TUBGCP6: variants seen among roughly 807,000 people sequenced by gnomAD.
TUBGCP6 encodes gamma-tubulin complex component 6.
TUBGCP6 carries 161 observed loss-of-function variants against 175.8 expected under a neutral mutation model. That is an observed-to-expected ratio of 0.92 (90% CI 0.81 to 1.04). The LOEUF (loss-of-function observed/expected upper bound fraction) is 1.04. TUBGCP6 is among the 50% of genes least tolerant of loss of function. The pLI is 0.00. For missense variants in TUBGCP6, 2,572 were observed against 2,433.0 expected, an observed-to-expected ratio of 1.06 and a Z score of -1.20; for synonymous variants, 1,173 against 1,030.5, an observed-to-expected ratio of 1.14 and a Z score of -2.65.
intron 5 of TUBGCP6, among the ~76,000 whole-genome samples, chr22:50,227,432 C>T (rs554247474): frequency 1.1e-4 from 17 of 152,274 alleles, no homozygotes; most frequent in Admixed American, 4.6e-4. Context: ...TGCCACAACT[C>T]GCACCCTTCA....
intron 16 of TUBGCP6, 76 bp downstream of exon 16, chr22:50,220,175 C>T (rs773809221): frequency 1.3e-6 from 2 of 1,547,700 alleles, no homozygotes; most frequent in Non-Finnish European, 1.8e-6. Context: ...ATGCCACCAA[C>T]CCCACTGCCC....
chr22:50,239,276 A>C (rs887108239), intron 2 of TUBGCP6, among the ~76,000 whole-genome samples: 2 of 152,204 alleles, frequency 1.3e-5, no homozygotes, highest in African/African-American at 4.8e-5. Context: ...TCCCAGGTTC[A>C]AGTGATTCTT....
chr22:50,226,968 C>G, intron 6 of TUBGCP6, 31 bp downstream of exon 6: 1 of 1,605,112 alleles, frequency 6.2e-7, no homozygotes, highest in Non-Finnish European at 8.5e-7. Flanking sequence ...GCCCACCAGG[C>G]TGACACACTC....
At position 50,220,430 on chromosome 22, in the gene TUBGCP6, G is replaced by A; in HGVS notation, c.3929C>T (p.Ala1310Val). 6.2e-7 allele frequency: 1 copy of A among 1,610,240 alleles called. No individual in the cohort carries two copies. Among genetic ancestry groups the A allele is most frequent in the Non-Finnish European group, 8.5e-7 (1 of 1,178,680 alleles). ...CCCACAGTCCAGCACAGTGCTCTGT[G>A]CTCCCAGGCTGAGCGCTGACTGGGA... Reference protein sequence around the residue: ...HTSQSALSLGAQSTVLDCGPR... With the variant: ...HTSQSALSLGVQSTVLDCGPR... Residue 1310 changes from alanine to valine, a missense_variant, in exon 16 of 25, where the codon GCA becomes GTA. Transcript: ENST00000248846.
intron 10 of TUBGCP6, 38 bp downstream of exon 10, chr22:50,225,756 G>A (rs757828826): frequency 2.0e-5 from 31 of 1,584,192 alleles, no homozygotes; most frequent in Non-Finnish European, 2.6e-5. Flanking sequence ...GCAGAGGCAG[G>A]GGCGAAGAAA....
chr22:50,242,119 C>T (rs78007116), intron 1 of TUBGCP6, among the ~76,000 whole-genome samples: 3 of 151,780 alleles, frequency 2.0e-5, no homozygotes, highest in Admixed American at 6.6e-5. Context: ...GGTGAAACCC[C>T]GTCTCTACTA....
intron 3 of TUBGCP6, among the ~76,000 whole-genome samples, chr22:50,232,711 C>T (rs990500527): frequency 2.0e-5 from 3 of 152,254 alleles, no homozygotes; most frequent in African/African-American, 7.2e-5. Context: ...CAGTCACTGG[C>T]TGTGCTTCTA....
intron 14 of TUBGCP6, 84 bp downstream of exon 14, chr22:50,222,370 C>A: frequency 6.4e-7 from 1 of 1,572,110 alleles, no homozygotes; most frequent in Non-Finnish European, 8.6e-7. Flanking sequence ...CCTAGAAGAG[C>A]ATGTAGGTTT....
chr22:50,220,628 T>C lies in TUBGCP6; in HGVS notation c.3731A>G (p.His1244Arg). 3 of 1,610,386 alleles carry C rather than the reference T, an allele frequency of 1.9e-6. No individual in the cohort carries two copies. The highest frequency in any genetic ancestry group is 1.1e-5 in the South Asian group (1 of 90,978). Residue 1244 changes from histidine to arginine, a missense_variant, in exon 16 of 25, where the codon CAC becomes CGC. Physicochemically the swap from His to Arg is conservative, Grantham distance 29. Coordinates refer to ENST00000248846, the MANE Select transcript of TUBGCP6 (RefSeq NM_020461.4). ...CAAGCTGATGCTGGCGTCGGACACG[T>C]GTCCATGGGTGTTGCACCGTGACCG... Reference protein sequence around the residue: ...PIRSRCNTHGHVSDASISLGE... With the variant: ...PIRSRCNTHGRVSDASISLGE...
chr22:50,228,518 T>C (rs1656889286), intron 4 of TUBGCP6, among the ~76,000 whole-genome samples: 1 of 152,004 alleles, frequency 6.6e-6, no homozygotes, highest in African/African-American at 2.4e-5. Context: ...GCCCTGCAGG[T>C]CACACTAAGA....
chr22:50,243,700 G>C lies in TUBGCP6; in HGVS notation c.741+19C>G. On this transcript the variant is annotated intron_variant, in intron 1 of 24. Coordinates refer to ENST00000248846, the MANE Select transcript of TUBGCP6 (RefSeq NM_020461.4). ...CCAAACCCCGAGAGAGATGAAAGAG[G>C]AAAAACTAAACATTCTACCTTAATA... The C allele has an allele frequency of 1.3e-6, 2 of 1,581,384 alleles. No individual in the cohort carries two copies. Among genetic ancestry groups the C allele is most frequent in the Non-Finnish European group, 1.7e-6 (2 of 1,160,634 alleles).
chr22:50,225,916 C>G lies in TUBGCP6; in HGVS notation c.1861G>C (p.Val621Leu), dbSNP rs2064600402. 7 of 1,613,878 alleles carry G rather than the reference C, an allele frequency of 4.3e-6. No homozygotes were observed. Among genetic ancestry groups the G allele is most frequent in the Non-Finnish European group, 5.9e-6 (7 of 1,179,964 alleles). The change falls in exon 10 of 25, where the codon GTC becomes CTC. Residue 621 changes from valine (V) to leucine (L), a missense_variant. Transcript: ENST00000248846. ...RHYLCWSDVPVPRISVIFSLE... is the reference protein window; with the variant it reads ...RHYLCWSDVPLPRISVIFSLE... The stretch of plus-strand genomic sequence containing the variant: ...GAGAAAATCACCGAGATCCGGGGGA[C>G]AGGGACGTCGGACCAACAGAGGTAA...
In TUBGCP6 at chr22:50,220,332, C is replaced by T. The variant is rs140144242; in HGVS notation, c.4027G>A (p.Val1343Met). ...GCCACGTCTGACACGTTCTCCCCCA[C>T]GCTGATGCTCCCCTCCCCGCAGCCC... ...SSGCGEGSIS[V>M]GENVSDVAPT... Residue 1343 changes from valine to methionine, a missense_variant, in exon 16 of 25, where the codon GTG becomes ATG. Transcript: ENST00000248846. The T allele has an allele frequency of 2.6e-5, 41 of 1,574,106 alleles. No homozygotes were observed. Among genetic ancestry groups the T allele is most frequent in the South Asian group, 4.6e-5 (4 of 86,138 alleles).
chr22:50,224,423 A>G lies in TUBGCP6; in HGVS notation c.2066-3T>C. 1.2e-6 allele frequency: 2 copies of G among 1,614,194 alleles called. No individual in the cohort carries two copies. Among genetic ancestry groups the G allele is most frequent in the South Asian group, 1.1e-5 (1 of 91,090 alleles). The stretch of plus-strand genomic sequence containing the variant: ...CATCCGTTCTGACATCTGCCGGTCT[A>G]CATTGGGACAGTAAGGGGCGCACTG... On this transcript the variant is annotated splice_region_variant and splice_polypyrimidine_tract_variant and intron_variant, in intron 11 of 24. Coordinates refer to ENST00000248846, the MANE Select transcript of TUBGCP6 (RefSeq NM_020461.4).
chr22:50,233,396 G>A lies in TUBGCP6; in HGVS notation c.1036C>T (p.Leu346=), dbSNP rs779608708. The change falls in exon 3 of 25, where the codon CTG becomes TTG. Residue 346 remains leucine (L), a synonymous_variant. Transcript: ENST00000248846. ...GGVLQAPQPV[L]VKECELVKDV... ...TTCACCAGCTCGCACTCCTTCACCA[G>A]CACGGGCTGCGGGGCCTGTAGGACG... 6.2e-7 allele frequency: 1 copy of A among 1,613,882 alleles called. No homozygotes were observed. Among genetic ancestry groups the A allele is most frequent in the East Asian group, 2.2e-5 (1 of 44,886 alleles).
Position 50,240,202 on chromosome 22 carries a change from A to C in TUBGCP6, c.905+2T>G. 1 of 1,613,480 alleles carries C rather than the reference A, an allele frequency of 6.2e-7. No homozygotes were observed. The highest frequency in any genetic ancestry group is 8.5e-7 in the Non-Finnish European group (1 of 1,179,980). Reference sequence around the variant, plus strand: ...CATGCCAAGGCAAAGAAGGGCACACACCAGCCAACTCGCTCCCAGCACCTC... The same window carrying C: ...CATGCCAAGGCAAAGAAGGGCACACCCCAGCCAACTCGCTCCCAGCACCTC... On this transcript the variant is annotated splice_donor_variant, in intron 2 of 24. Coordinates refer to ENST00000248846, the MANE Select transcript of TUBGCP6 (RefSeq NM_020461.4). LOFTEE classifies it high-confidence loss of function.
rs746197836 is a variant in TUBGCP6, at chr22:50,219,330, G to C, written c.4442C>G (p.Pro1481Arg). The change falls in exon 19 of 25, where the codon CCC (proline) becomes CGC (arginine). Residue 1481 changes from proline to arginine, a missense_variant. Transcript: ENST00000248846. ...CGTGATGGAGCGCTTCATGAGCACG[G>C]GCAGCGTCAGCAACTCGCTCAGCTG... is the stretch of plus-strand genomic sequence containing the variant. ...AVQLSELLTLPVLMKRSITAP... is the reference protein window; with the variant it reads ...AVQLSELLTLRVLMKRSITAP... 6.2e-7 allele frequency: 1 copy of C among 1,600,138 alleles called. No individual in the cohort carries two copies. The highest frequency in any genetic ancestry group is 1.1e-5 in the South Asian group (1 of 88,976).
intron 3 of TUBGCP6, among the ~76,000 whole-genome samples, chr22:50,230,336 G>A (rs2064671701): frequency 1.3e-5 from 2 of 152,092 alleles, no homozygotes; most frequent in East Asian, 1.9e-4. Context: ...GCCAGGCATG[G>A]TGGCTCACGC....
intron 3 of TUBGCP6, among the ~76,000 whole-genome samples, chr22:50,232,290 CG>C (rs1569120932): frequency 6.6e-6 from 1 of 151,072 alleles, no homozygotes; most frequent in Admixed American, 6.6e-5. Flanking sequence ...TGCTTGAACC[CG>C]GGAGGCAGAG....
Sources: gnomAD v4.1 joint callset for allele counts (sites outside exome capture counted in the v4.1 genomes callset) on GRCh38, gnomAD v4.1.1 for gene constraint, MANE v1.5 for transcripts, NCBI Gene and HGNC (gene_info 2026-07-23, HGNC 2026-07-21) for gene names.